GNAQ: variants seen among roughly 807,000 people sequenced by gnomAD.
GNAQ encodes the protein G protein subunit alpha q.
In GNAQ, 8 loss-of-function variants were observed where a neutral mutation model predicts 43.9. The ratio of observed to expected loss-of-function variants is 0.18; its 90% CI spans 0.11 to 0.33. The LOEUF (loss-of-function observed/expected upper bound fraction) is 0.33, where lower values mean the gene tolerates loss of function less well. Among genes scored for constraint, GNAQ ranks in the 10% least tolerant of loss-of-function variants. The probability of loss-of-function intolerance (pLI) is 1.00; values close to 1 mark genes in which losing one functional copy is unlikely to be tolerated. For missense variants in GNAQ, 158 were observed against 450.8 expected (o/e 0.35, Z 5.88); for synonymous variants, 155 against 170.7 (o/e 0.91, Z 0.71).
rs1381583843 is a variant in GNAQ at position 77,807,361 on chromosome 9, A to G, written c.476+8255T>C. Among the ~76,000 whole-genome samples, 6 of 152,198 alleles carry G rather than the reference A, an allele frequency of 3.9e-5. No homozygotes were observed. In the East Asian group the frequency reaches 7.7e-4, roughly 19 times the overall value. The stretch of plus-strand genomic sequence containing the variant: ...GACTGTCACTCCTATCTCTGCTTCA[A>G]TTGATTGCTAAATCCTATGAAACCC... On this transcript the variant is annotated intron_variant, in intron 3 of 6. Transcript: ENST00000286548.
rs190981542 is a variant in GNAQ at position 77,896,244 on chromosome 9, T to C, written c.321+25917A>G. On this transcript the variant is annotated intron_variant, in intron 2 of 6. Transcript: ENST00000286548. ...ATTGGAACACTTGTGAATTACTTAA[T>C]AAACTTCAGTAGCTATTTCCTTCTA... 1.4e-3 allele frequency among the ~76,000 whole-genome samples: 209 copies of C among 152,312 alleles called. 1 individual carries two copies. Among genetic ancestry groups the C allele is most frequent in the Non-Finnish European group, 2.1e-3 (146 of 68,022 alleles).
chr9:77,853,464 C>G (rs1036269027), intron 2 of GNAQ, among the ~76,000 whole-genome samples: 1 of 152,100 alleles, frequency 6.6e-6, no homozygotes, highest in South Asian at 2.1e-4. Context: ...ATTCTGACCT[C>G]AGTAAGTATG....
chr9:77,867,182 G>A (rs1024104021), intron 2 of GNAQ, among the ~76,000 whole-genome samples: 3 of 151,896 alleles, frequency 2.0e-5, no homozygotes, highest in African/African-American at 4.8e-5. Context: ...ACTTCCCCCC[G>A]CCTTGGGAAC....
At chr9:77,960,032 C>T (rs1313247733) in intron 1 of GNAQ, among the ~76,000 whole-genome samples, 1 of 152,120 alleles carries the variant, frequency 6.6e-6, no homozygotes, top group Non-Finnish European at 1.5e-5. Context: ...TCACTCAACA[C>T]CATTTCTTTT....
At chr9:77,857,760 A>G (rs1458096392) in intron 2 of GNAQ, among the ~76,000 whole-genome samples, 4 of 151,238 alleles carry the variant, frequency 2.6e-5, no homozygotes, top group African/African-American at 9.8e-5. Flanking sequence ...CCTGTTAATA[A>G]TAAGAGGGAA....
intron 1 of GNAQ, among the ~76,000 whole-genome samples, chr9:77,938,061 C>T (rs1829259396): frequency 6.6e-6 from 1 of 151,894 alleles, no homozygotes; most frequent in Admixed American, 6.6e-5. Context: ...GCTTAGGGGC[C>T]CCATATATAA....
intron 2 of GNAQ, among the ~76,000 whole-genome samples, chr9:77,871,571 C>G (rs1483339073): frequency 2.0e-5 from 3 of 151,932 alleles, no homozygotes; most frequent in African/African-American, 4.8e-5. Context: ...TTTTCTGATC[C>G]CTTTTAATAT....
intron 5 of GNAQ, among the ~76,000 whole-genome samples, chr9:77,764,873 C>A (rs911573006): frequency 4.6e-5 from 7 of 152,188 alleles, no homozygotes; most frequent in South Asian, 2.1e-4. Flanking sequence ...TTGGGGAAGT[C>A]ATTTGCCCTC....
At chr9:77,771,868 GA>G (rs1310312261) in intron 5 of GNAQ, among the ~76,000 whole-genome samples, 1 of 151,912 alleles carries the variant, frequency 6.6e-6, no homozygotes, top group African/African-American at 2.4e-5. Flanking sequence ...CAGAAAGGGG[GA>G]AAAACAGCAA....
At chr9:77,869,723 C>T (rs994600727) in intron 2 of GNAQ, among the ~76,000 whole-genome samples, 4 of 152,110 alleles carry the variant, frequency 2.6e-5, no homozygotes, top group Non-Finnish European at 5.9e-5. Context: ...TGATCTGCTA[C>T]CCTGATTTAC....
At position 77,779,700 on chromosome 9, in the gene GNAQ, A is replaced by T. The variant is rs935329369; in HGVS notation, c.735+14763T>A. ...CAAAACAAAAAAAAAAAAAAAAAAAAAGAGAAGGCACAAATTACTAGTATC... is the reference window on the plus strand; with the variant it reads ...CAAAACAAAAAAAAAAAAAAAAAAATAGAGAAGGCACAAATTACTAGTATC... On this transcript the variant is annotated intron_variant, in intron 5 of 6. Coordinates refer to ENST00000286548, the MANE Select transcript of GNAQ (RefSeq NM_002072.5). Among the ~76,000 whole-genome samples the T allele has an allele frequency of 2.2e-5, 3 of 133,814 alleles. No homozygotes were observed. In the East Asian group the frequency reaches 6.8e-4, roughly 30 times the overall value. 87.8% of individuals were successfully genotyped at this position (133,814 alleles called of 152,430 possible).
chr9:77,784,828 T>C (rs369388179), intron 5 of GNAQ, among the ~76,000 whole-genome samples: 14 of 152,318 alleles, frequency 9.2e-5, no homozygotes, highest in East Asian at 5.8e-4. Context: ...TTCAAAAATA[T>C]TTCCCATGGC....
chr9:77,877,894 G>A (rs769806530), intron 2 of GNAQ, among the ~76,000 whole-genome samples: 12 of 152,030 alleles, frequency 7.9e-5, no homozygotes. Context: ...TCCCATTCCC[G>A]AATGCCCAAT....
Position 77,739,087 on chromosome 9 carries a change from C to T in GNAQ, c.736-10420G>A, listed in dbSNP as rs148241322. 2.7e-3 allele frequency among the ~76,000 whole-genome samples: 415 copies of T among 151,878 alleles called. 4 individuals are homozygous for T. The highest frequency in any genetic ancestry group is 8.7e-3 in the African/African-American group (357 of 41,230). ...GGTTACAGGCTACCAAATAACTTTC[C>T]GCAGGGGGTGAACAAACTTATTCAT... On this transcript the variant is annotated intron_variant, in intron 5 of 6. Transcript: ENST00000286548.
At chr9:77,876,432 C>T (rs1474922151) in intron 2 of GNAQ, among the ~76,000 whole-genome samples, 1 of 152,208 alleles carries the variant, frequency 6.6e-6, no homozygotes, top group Non-Finnish European at 1.5e-5. Context: ...TTCCTTTTTA[C>T]AGTAGTTGTA....
intron 2 of GNAQ, among the ~76,000 whole-genome samples, chr9:77,818,756 T>C (rs912352646): frequency 2.8e-4 from 42 of 152,090 alleles, no homozygotes; most frequent in African/African-American, 9.6e-4. Flanking sequence ...TCCTAGCACT[T>C]TGGGAGGCAG....
At chr9:77,913,845 A>T (rs1828850119) in intron 2 of GNAQ, among the ~76,000 whole-genome samples, 4 of 152,182 alleles carry the variant, frequency 2.6e-5, no homozygotes, top group Admixed American at 2.6e-4. Context: ...TGACAATGGA[A>T]AAACACACAC....
At chr9:77,834,906 T>C (rs907197784) in intron 2 of GNAQ, among the ~76,000 whole-genome samples, 2 of 152,204 alleles carry the variant, frequency 1.3e-5, no homozygotes, top group Admixed American at 6.5e-5. Context: ...GTGAACTACA[T>C]AGCCAAGGGC....
chr9:77,764,495 A>G (rs534582348), intron 5 of GNAQ, among the ~76,000 whole-genome samples: 64 of 150,878 alleles, frequency 4.2e-4, no homozygotes, highest in South Asian at 1.7e-3. Context: ...TCTCTCTGTC[A>G]CCCAGGCTGG....
Sources: allele counts gnomAD v4.1 joint callset (sites outside exome capture counted in the v4.1 genomes callset), GRCh38; gene constraint gnomAD v4.1.1; transcripts MANE v1.5; gene names NCBI Gene and HGNC (gene_info 2026-07-23, HGNC 2026-07-21).